DIO2: variants seen among roughly 807,000 people sequenced by gnomAD.
DIO2 encodes type II iodothyronine deiodinase.
Under a neutral mutation model 21.4 loss-of-function variants are expected in DIO2, and 19 were observed. The observed-to-expected ratio is 0.89, with a 90% CI of 0.62 to 1.30. The LOEUF (loss-of-function observed/expected upper bound fraction) is 1.30, where lower values mean the gene tolerates loss of function less well. Among genes scored for constraint, DIO2 ranks in the 50% most tolerant of loss-of-function variants. DIO2 has a pLI of 0.00. For missense variants in DIO2, 302 were observed against 338.1 expected, an observed-to-expected ratio of 0.89 and a Z score of 0.84; for synonymous variants, 122 against 132.9, an observed-to-expected ratio of 0.92 and a Z score of 0.57.
In DIO2 at chr14:80,203,296, TAAA is replaced by T. The variant is rs5809986; in HGVS notation, c.223-11_223-9del. ...ATCCTCACCCAATTTCACCTGACGG[TAAA>T]AAAAAAAAAAAAGAAGAAGAAGAAG... On this transcript the variant is annotated splice_polypyrimidine_tract_variant and intron_variant, in intron 1 of 1. Coordinates refer to ENST00000438257, the MANE Select transcript of DIO2 (RefSeq NM_013989.5). The T allele has an allele frequency of 3.9e-3, 5,358 of 1,376,488 alleles. No individual in the cohort carries two copies. The highest frequency in any genetic ancestry group is 0.013 in the South Asian group (833 of 63,188). 85.3% of individuals were successfully genotyped at this position (1,376,488 alleles called of 1,614,324 possible). A position where few individuals can be genotyped will look rare whatever the true frequency, so the allele number is the denominator to read the frequency against.
Position 80,203,284 on chromosome 14 carries a change from T to G in DIO2, c.227A>C (p.Lys76Thr). Residue 76 changes from lysine (K) to threonine (T), a missense_variant, in exon 2 of 2, where the codon AAA (lysine) becomes ACA (threonine). Transcript: ENST00000438257. ...SFLLDAYKQV[K>T]LGEDAPNSSV... ...GGAATTGGGGGCATCCTCACCCAATTTCACCTGACGGTAAAAAAAAAAAAA... is the reference window on the plus strand; with the variant it reads ...GGAATTGGGGGCATCCTCACCCAATGTCACCTGACGGTAAAAAAAAAAAAA... 6.6e-7 allele frequency: 1 copy of G among 1,518,486 alleles called. No individual in the cohort carries two copies. The allele number at this position is 1,518,486 out of a possible 1,614,324, so 94.1% of individuals were successfully genotyped here.
chr14:80,224,496 TACACAC>T (rs59545805), intron 2 of DIO2, among the ~76,000 whole-genome samples: 18,563 of 138,424 alleles, frequency 0.13, 1,442 homozygotes, highest in East Asian at 0.3. Flanking sequence ...AGAGAGATAC[TACACAC>T]ACACACACAC....
upstream of DIO2, among the ~76,000 whole-genome samples, chr14:80,212,685 T>G (rs1888254223): frequency 6.6e-6 from 1 of 152,150 alleles, no homozygotes; most frequent in Non-Finnish European, 1.5e-5. Context: ...GTGACCTAGG[T>G]CCTTTAAATT....
intron 1 of DIO2, among the ~76,000 whole-genome samples, chr14:80,209,909 G>A (rs1282359906): frequency 6.6e-6 from 1 of 152,128 alleles, no homozygotes. Flanking sequence ...AATTTTACAA[G>A]TTACTTCTTC....
At chr14:80,216,440 T>A (rs1049794244), upstream of DIO2, among the ~76,000 whole-genome samples, 2 of 152,126 alleles carry the variant, frequency 1.3e-5, no homozygotes, top group Non-Finnish European at 1.5e-5. Context: ...ATTGGCCTAG[T>A]CTGGATCCAC....
chr14:80,223,374 C>T (rs1888505476), intron 2 of DIO2, among the ~76,000 whole-genome samples: 1 of 152,082 alleles, frequency 6.6e-6, no homozygotes, highest in Non-Finnish European at 1.5e-5. Context: ...ACTTAAAATA[C>T]ATGTTAGAAC....
intron 2 of DIO2, among the ~76,000 whole-genome samples, chr14:80,225,101 C>T (rs748881159): frequency 6.6e-5 from 10 of 152,116 alleles, no homozygotes; most frequent in Admixed American, 2.0e-4. Flanking sequence ...TTATATGGTG[C>T]CCACCAGATT....
chr14:80,206,308 C>T lies in DIO2; in HGVS notation c.223-3020G>A, dbSNP rs760563686. ...TATACTAGTCATAAAATGTGTCCAT[C>T]TTTGCTAAAACCTGATGGAGGACAA... On this transcript the variant is annotated intron_variant, in intron 1 of 1. Transcript: ENST00000438257. 6 of 1,568,062 alleles carry T rather than the reference C, an allele frequency of 3.8e-6. No homozygotes were observed. The East Asian group carries it at 1.4e-4, about 36-fold the overall frequency.
intron 2 of DIO2, among the ~76,000 whole-genome samples, chr14:80,224,994 G>T (rs1888543087): frequency 6.6e-6 from 1 of 152,186 alleles, no homozygotes; most frequent in Non-Finnish European, 1.5e-5. Context: ...TTTGAGGGCA[G>T]GAAGCATGCA....
chr14:80,204,414 T>G (rs1418060852), intron 1 of DIO2, among the ~76,000 whole-genome samples: 1 of 152,194 alleles, frequency 6.6e-6, no homozygotes, highest in East Asian at 1.9e-4. Context: ...AATTGTTTCA[T>G]GTGCTCCCTT....
At chr14:80,224,528 CACACACAA>C (rs1335736556) in intron 2 of DIO2, among the ~76,000 whole-genome samples, 4 of 151,234 alleles carry the variant, frequency 2.6e-5, no homozygotes, top group Non-Finnish European at 4.4e-5. Context: ...CACACACACA[CACACACAA>C]GACAACAATG....
rs1887529946 is a variant in DIO2 at position 80,197,615 on chromosome 14, T to C, written c.*5074A>G. ...ACTCAGCACCAATATGATAACACTC[T>C]TTCTACTGATAATCTCCCAAAGCAG... On this transcript the variant is annotated 3_prime_UTR_variant, in exon 2 of 2. Coordinates refer to ENST00000438257, the MANE Select transcript of DIO2 (RefSeq NM_013989.5). 1 of 152,638 alleles carries C rather than the reference T, an allele frequency of 6.6e-6. No homozygotes were observed. Among genetic ancestry groups the C allele is most frequent in the African/African-American group, 2.4e-5 (1 of 41,456 alleles). The allele number at this position is 152,638 out of a possible 1,614,324, so 9.5% of individuals were successfully genotyped here. A position where few individuals can be genotyped will look rare whatever the true frequency, so the allele number is the denominator to read the frequency against.
At chr14:80,224,118 T>C (rs746897956) in intron 2 of DIO2, among the ~76,000 whole-genome samples, 97 of 152,142 alleles carry the variant, frequency 6.4e-4, no homozygotes, top group Non-Finnish European at 1.2e-3. Flanking sequence ...AATCATGTAA[T>C]CTTCATAACA....
chr14:80,211,317 C>G lies in DIO2; in HGVS notation c.156G>C (p.Arg52=). 6.2e-7 allele frequency: 1 copy of G among 1,613,736 alleles called. No individual in the cohort carries two copies. Among genetic ancestry groups the G allele is most frequent in the Non-Finnish European group, 8.5e-7 (1 of 1,179,888 alleles). The change falls in exon 1 of 2, where the codon CGG becomes CGC. Residue 52 remains arginine (R), a synonymous_variant. Transcript: ENST00000438257. ...GCAGTCCCTCTGAGGTCAGCATGCG[C>G]CGCCACTCTCCGCGAGTGGACTTGG... ...SRSKSTRGEW[R]RMLTSEGLRC...
At position 80,202,029 on chromosome 14, in the gene DIO2, C is replaced by A. The variant is rs1887747795; in HGVS notation, c.*660G>T. The A allele has an allele frequency of 1.0e-5, 2 of 194,534 alleles. No homozygotes were observed. Among genetic ancestry groups the A allele is most frequent in the Non-Finnish European group, 2.1e-5 (2 of 94,460 alleles). The allele number at this position is 194,534 out of a possible 1,614,324, so 12.1% of individuals were successfully genotyped here. The stretch of plus-strand genomic sequence containing the variant: ...TCTTTTTTACCACTCTCTCCACCTG[C>A]CTAGAAATTAACCCTCAGATTACAG... On this transcript the variant is annotated 3_prime_UTR_variant, in exon 2 of 2. Coordinates refer to ENST00000438257, the MANE Select transcript of DIO2 (RefSeq NM_013989.5).
upstream of DIO2, chr14:80,211,592 G>GGGGGGGGGA: frequency 6.2e-6 from 1 of 162,280 alleles, no homozygotes; most frequent in South Asian, 6.6e-5. Flanking sequence ...GGGGTTGGGG[G>GGGGGGGGGA]AGAAGGGGAA....
chr14:80,212,019 T>G (rs1594878496), upstream of DIO2: 1 of 151,140 alleles, frequency 6.6e-6, no homozygotes, highest in Non-Finnish European at 1.5e-5. Context: ...GGTAGTTTTT[T>G]TTTTTTCTTT....
intron 1 of DIO2, chr14:80,206,444 C>A: frequency 1.6e-6 from 1 of 620,588 alleles, no homozygotes. Context: ...CCCATTTGGT[C>A]ACCATAAAAA....
chr14:80,211,543 T>G (rs1888197260), upstream of DIO2: 13 of 287,440 alleles, frequency 4.5e-5, no homozygotes, highest in Admixed American at 1.3e-4. Context: ...AAAAGGGGGG[T>G]GGTGATAAAG....
Sources: gnomAD v4.1 joint callset for allele counts (sites outside exome capture counted in the v4.1 genomes callset) on GRCh38, gnomAD v4.1.1 for gene constraint, MANE v1.5 for transcripts, NCBI Gene and HGNC (gene_info 2026-07-23, HGNC 2026-07-21) for gene names.